Variants in ULK2 observed in about 807,000 individuals in gnomAD.
The protein encoded by ULK2 is unc-51 like autophagy activating kinase 2.
ULK2 carries 76 observed loss-of-function variants against 127.5 expected under a neutral mutation model. The observed-to-expected ratio is 0.60, with a 90% confidence interval of 0.50 to 0.72. The LOEUF is 0.72. Among genes scored for constraint, ULK2 ranks in the 30% least tolerant of loss-of-function variants. The probability of loss-of-function intolerance (pLI) is 0.00; values close to 1 mark genes in which losing one functional copy is unlikely to be tolerated. For missense variants in ULK2, 1,144 were observed against 1,295.9 expected (o/e 0.88, Z 1.80); for synonymous variants, 452 against 461.9 (o/e 0.98, Z 0.28).
Position 19,845,379 on chromosome 17 carries a change from T to A in ULK2, c.470-2A>T. On this transcript the variant is annotated splice_acceptor_variant, in intron 6 of 26. Transcript: ENST00000395544. LOFTEE classifies it high-confidence loss of function. ...GGTAACGAGCAAAACCAAAATCCGC[T>A]ATTTCACAAAACAGAAAGTAGAAAA... is the stretch of plus-strand genomic sequence containing the variant. The A allele has an allele frequency of 1.2e-6, 2 of 1,613,326 alleles. No homozygotes were observed. The highest frequency in any genetic ancestry group is 1.7e-6 in the Non-Finnish European group (2 of 1,179,368).
chr17:19,778,208 T>C (rs758259602), intron 25 of ULK2, among the ~76,000 whole-genome samples: 2 of 152,260 alleles, frequency 1.3e-5, no homozygotes, highest in African/African-American at 2.4e-5. Flanking sequence ...TGCCAGGCAC[T>C]GCGCCTACAA....
intron 16 of ULK2, among the ~76,000 whole-genome samples, chr17:19,800,422 G>A (rs2087373558): frequency 6.6e-6 from 1 of 152,138 alleles, no homozygotes; most frequent in Non-Finnish European, 1.5e-5. Context: ...CAGATCCTTA[G>A]GGAAGGGCTT....
At chr17:19,850,552 C>G (rs768889684) in intron 3 of ULK2, among the ~76,000 whole-genome samples, 6 of 152,068 alleles carry the variant, frequency 3.9e-5, no homozygotes, top group Non-Finnish European at 5.9e-5. Context: ...TTTGGCCAGG[C>G]GCGGTGGCTC....
At chr17:19,818,423 A>G (rs1229466050) in intron 12 of ULK2, among the ~76,000 whole-genome samples, 1 of 152,210 alleles carries the variant, frequency 6.6e-6, no homozygotes, top group Non-Finnish European at 1.5e-5. Flanking sequence ...ACACAATTAA[A>G]AAGTAGTCAA....
intron 3 of ULK2, among the ~76,000 whole-genome samples, chr17:19,856,768 C>T (rs1270430309): frequency 6.0e-5 from 9 of 150,492 alleles, no homozygotes; most frequent in African/African-American, 2.2e-4. Context: ...GTCAGGAGAT[C>T]GAGACCATCC....
chr17:19,817,063 T>C, intron 12 of ULK2, 143 bp from the exon 13 acceptor site: 1 of 655,416 alleles, frequency 1.5e-6, no homozygotes, highest in Non-Finnish European at 2.4e-6. Context: ...AAAATCTCTT[T>C]GGAAAAGCTT....
At chr17:19,842,495 C>T (rs1473813373) in intron 8 of ULK2, among the ~76,000 whole-genome samples, 1 of 152,042 alleles carries the variant, frequency 6.6e-6, no homozygotes, top group East Asian at 1.9e-4. Context: ...CCACGCCTGG[C>T]CATCACTAAT....
intron 13 of ULK2, 97 bp downstream of exon 13, chr17:19,816,652 G>A (rs2040996022): frequency 9.5e-7 from 1 of 1,056,914 alleles, no homozygotes; most frequent in Non-Finnish European, 1.3e-6. Context: ...ATTTGAAAAG[G>A]TGCCCTACAC....
chr17:19,790,064 T>C (rs966764408), intron 20 of ULK2, among the ~76,000 whole-genome samples: 6 of 151,976 alleles, frequency 3.9e-5, no homozygotes, highest in Non-Finnish European at 5.9e-5. Context: ...AGCAAGGAGA[T>C]AGAGTATTTT....
chr17:19,801,371 G>A (rs2087393657), intron 16 of ULK2, among the ~76,000 whole-genome samples: 2 of 152,124 alleles, frequency 1.3e-5, no homozygotes, highest in Non-Finnish European at 1.5e-5. Context: ...CCAGGTGCTC[G>A]AGACCAGCCT....
At chr17:19,852,088 T>C (rs1178832941) in intron 3 of ULK2, among the ~76,000 whole-genome samples, 1 of 141,832 alleles carries the variant, frequency 7.1e-6, no homozygotes, top group Non-Finnish European at 1.5e-5. Flanking sequence ...AGCTGGGCAG[T>C]GTGGCACGCA....
chr17:19,801,370 C>T (rs1255979623), intron 16 of ULK2, among the ~76,000 whole-genome samples: 1 of 152,000 alleles, frequency 6.6e-6, no homozygotes, highest in Non-Finnish European at 1.5e-5. Context: ...CCCAGGTGCT[C>T]GAGACCAGCC....
chr17:19,816,729 C>A lies in ULK2; in HGVS notation c.1096+20G>T. ...AGTAGATTAAGAAATACAATGTGTACAAGTAGAAAAGATTCTCACATGAGT... is the reference window on the plus strand; with the variant it reads ...AGTAGATTAAGAAATACAATGTGTAAAAGTAGAAAAGATTCTCACATGAGT... On this transcript the variant is annotated intron_variant, in intron 13 of 26. Transcript: ENST00000395544. 6.5e-7 allele frequency: 1 copy of A among 1,544,992 alleles called. No homozygotes were observed. The highest frequency in any genetic ancestry group is 1.3e-5 in the South Asian group (1 of 77,516).
At chr17:19,817,139 A>T (rs752294073) in intron 12 of ULK2, among the ~76,000 whole-genome samples, 6 of 152,214 alleles carry the variant, frequency 3.9e-5, no homozygotes, top group Non-Finnish European at 8.8e-5. Flanking sequence ...TCCAAAAATG[A>T]TACTTAAAAA....
intron 13 of ULK2, among the ~76,000 whole-genome samples, chr17:19,811,653 G>C (rs995742920): frequency 4.6e-5 from 7 of 151,992 alleles, no homozygotes; most frequent in African/African-American, 1.7e-4. Context: ...TGTTGGCCAG[G>C]CTGGTCTCGA....
At position 19,858,767 on chromosome 17, in the gene ULK2, C is replaced by T. The variant is rs529298198; in HGVS notation, c.225+6036G>A. On this transcript the variant is annotated intron_variant, in intron 3 of 26. Transcript: ENST00000395544. ...GGTGGACCACTTGAAGTCAGGAGTT[C>T]GAGGCCAGCCTAGCCAACATGGTGA... 8.5e-5 allele frequency among the ~76,000 whole-genome samples: 13 copies of T among 152,146 alleles called. 1 individual carries two copies. The East Asian group carries it at 1.5e-3, about 18-fold the overall frequency.
rs149121140 is a variant in ULK2 at position 19,847,693 on chromosome 17, G to A, written c.296-783C>T. ...GCCTCCCAAGTAGCTGGGACTACAG[G>A]CATGTATCACCATGCCCAGCTAATT... is the stretch of plus-strand genomic sequence containing the variant. On this transcript the variant is annotated intron_variant, in intron 5 of 26. Coordinates refer to ENST00000395544, the MANE Select transcript of ULK2 (RefSeq NM_014683.4). 4.3e-3 allele frequency among the ~76,000 whole-genome samples: 651 copies of A among 152,278 alleles called. 4 individuals are homozygous for A. The highest frequency in any genetic ancestry group is 0.015 in the African/African-American group (625 of 41,566).
chr17:19,855,358 C>G (rs532595149), intron 3 of ULK2, among the ~76,000 whole-genome samples: 1 of 150,930 alleles, frequency 6.6e-6, no homozygotes, highest in South Asian at 2.1e-4. Context: ...GAGCCGAGAT[C>G]GCGCCACTGC....
intron 8 of ULK2, among the ~76,000 whole-genome samples, chr17:19,842,309 T>G (rs1197848875): frequency 1.3e-5 from 2 of 149,282 alleles, no homozygotes; most frequent in Non-Finnish European, 3.0e-5. Context: ...GCGATTCTCC[T>G]GCCTCAGCCT....
Sources: allele counts gnomAD v4.1 joint callset (sites outside exome capture counted in the v4.1 genomes callset), GRCh38; gene constraint gnomAD v4.1.1; transcripts MANE v1.5; gene names NCBI Gene and HGNC (gene_info 2026-07-23, HGNC 2026-07-21).